The following RAB3GAP1 variants were observed in gnomAD, a reference collection of about 807,000 sequenced individuals.
RAB3GAP1 encodes rab3 GTPase-activating protein catalytic subunit.
RAB3GAP1 carries 86 observed loss-of-function variants against 130.7 expected under a neutral mutation model. The observed-to-expected ratio is 0.66, with a 90% CI of 0.55 to 0.79. RAB3GAP1 has a LOEUF of 0.79. RAB3GAP1 is among the 30% of genes least tolerant of loss of function. The probability of loss-of-function intolerance (pLI) is 0.00; values close to 1 mark genes in which losing one functional copy is unlikely to be tolerated. For missense variants in RAB3GAP1, 1,029 were observed against 1,169.4 expected, an observed-to-expected ratio of 0.88 and a Z score of 1.75; for synonymous variants, 367 against 401.7, an observed-to-expected ratio of 0.91 and a Z score of 1.03.
intron 19 of RAB3GAP1, among the ~76,000 whole-genome samples, chr2:135,160,778 T>G (rs1421272845): frequency 2.0e-5 from 3 of 152,056 alleles, no homozygotes; most frequent in East Asian, 3.9e-4. Context: ...AGTGTTAAAT[T>G]TATTGTATAT....
intron 17 of RAB3GAP1, among the ~76,000 whole-genome samples, chr2:135,145,100 T>C (rs1376026662): frequency 3.3e-5 from 5 of 152,208 alleles, no homozygotes; most frequent in Non-Finnish European, 7.3e-5. Flanking sequence ...TATTTGTACA[T>C]TTTTATGGGG....
At chr2:135,143,643 C>A (rs566234446) in intron 17 of RAB3GAP1, among the ~76,000 whole-genome samples, 1 of 151,304 alleles carries the variant, frequency 6.6e-6, no homozygotes, top group Non-Finnish European at 1.5e-5. Context: ...CTGCAAGCTC[C>A]GCTTCCCAGG....
At position 135,079,377 on chromosome 2, in the gene RAB3GAP1, T is replaced by G. The variant is rs559323773; in HGVS notation, c.151-11621T>G. Among the ~76,000 whole-genome samples, 12 of 152,322 alleles carry G rather than the reference T, an allele frequency of 7.9e-5. No homozygotes were observed. The South Asian group carries it at 2.5e-3, about 32-fold the overall frequency. ...TTCTCATTTGTTTTTCTCCTTCTAG[T>G]GTGTTCAGATGAATTCTCCTGAACT... On this transcript the variant is annotated intron_variant, in intron 3 of 23. Coordinates refer to ENST00000264158, the MANE Select transcript of RAB3GAP1 (RefSeq NM_012233.3).
At chr2:135,106,623 C>T (rs750469547) in intron 5 of RAB3GAP1, among the ~76,000 whole-genome samples, 6 of 151,852 alleles carry the variant, frequency 4.0e-5, no homozygotes, top group Admixed American at 2.6e-4. Context: ...TGCGGAAGGC[C>T]GCAGGGTCCT....
chr2:135,126,281 A>G (rs1442184536), intron 10 of RAB3GAP1, 32 bp downstream of exon 10: 1 of 1,495,686 alleles, frequency 6.7e-7, no homozygotes, highest in Non-Finnish European at 9.2e-7. Context: ...GTACACTGAG[A>G]TTAAAAAACT....
At chr2:135,156,977 A>T (rs1026618084) in intron 19 of RAB3GAP1, among the ~76,000 whole-genome samples, 25 of 152,346 alleles carry the variant, frequency 1.6e-4, no homozygotes, top group African/African-American at 4.8e-4. Flanking sequence ...CATTTAGAAG[A>T]TCTAAATATA....
chr2:135,172,204 C>T (rs1351653831), downstream of RAB3GAP1, among the ~76,000 whole-genome samples: 2 of 151,474 alleles, frequency 1.3e-5, no homozygotes, highest in South Asian at 4.2e-4. Context: ...CCGAGGCGGG[C>T]GGATCACATG....
intron 6 of RAB3GAP1, among the ~76,000 whole-genome samples, chr2:135,114,337 G>A (rs183563861): frequency 3.3e-5 from 5 of 152,124 alleles, no homozygotes; most frequent in Admixed American, 1.3e-4. Flanking sequence ...TTTGCATATC[G>A]AATAGACTAT....
chr2:135,156,517 A>G (rs1692316640), intron 19 of RAB3GAP1, among the ~76,000 whole-genome samples: 1 of 152,240 alleles, frequency 6.6e-6, no homozygotes. Flanking sequence ...GTCTGTTTAT[A>G]TAATTTGCTT....
intron 4 of RAB3GAP1, among the ~76,000 whole-genome samples, chr2:135,091,645 G>A (rs1169449898): frequency 2.0e-5 from 3 of 152,142 alleles, no homozygotes; most frequent in Non-Finnish European, 1.5e-5. Context: ...TTGCTAGTTA[G>A]TTGCCCCATC....
intron 2 of RAB3GAP1, among the ~76,000 whole-genome samples, chr2:135,057,622 A>T (rs982883629): frequency 2.0e-5 from 3 of 152,188 alleles, no homozygotes; most frequent in African/African-American, 7.2e-5. Context: ...AGGAATTCAA[A>T]GGGCTGGAAT....
At chr2:135,081,306 CAAAAAAAA>C (rs1169138978) in intron 3 of RAB3GAP1, among the ~76,000 whole-genome samples, 19 of 13,206 alleles carry the variant, frequency 1.4e-3, no homozygotes, top group African/African-American at 5.1e-3. Context: ...GACTCCGTCT[CAAAAAAAA>C]AAAAAAAAAA....
At chr2:135,166,862 G>A (rs1409505132) in intron 23 of RAB3GAP1, among the ~76,000 whole-genome samples, 3 of 152,080 alleles carry the variant, frequency 2.0e-5, no homozygotes, top group Non-Finnish European at 4.4e-5. Flanking sequence ...TAGCCTCATT[G>A]TATAGCTAAC....
chr2:135,137,125 A>G (rs1691697891), intron 17 of RAB3GAP1: 1 of 313,622 alleles, frequency 3.2e-6, no homozygotes, highest in South Asian at 3.0e-5. Context: ...ACTGTGGAAG[A>G]GATAGTTAAA....
intron 5 of RAB3GAP1, among the ~76,000 whole-genome samples, chr2:135,110,049 C>T (rs1280759774): frequency 4.0e-5 from 6 of 151,668 alleles, no homozygotes; most frequent in South Asian, 2.1e-4. Context: ...TTCAAGTAGA[C>T]CTATTGGGGA....
intron 7 of RAB3GAP1, among the ~76,000 whole-genome samples, chr2:135,117,224 C>T (rs1190592263): frequency 6.6e-6 from 1 of 152,124 alleles, no homozygotes; most frequent in African/African-American, 2.4e-5. Flanking sequence ...TTTTCAAAAA[C>T]CTTCTGGGCT....
Position 135,169,967 on chromosome 2 carries a change from A to T in RAB3GAP1, c.*1186A>T. ...TTAATAGAGCTGTGCAAACCCTGTT[A>T]TTTTTGTAAAAAAAAAAAAAAATAC... On this transcript the variant is annotated 3_prime_UTR_variant, in exon 24 of 24. Transcript: ENST00000264158. The T allele has an allele frequency of 8.7e-6, 2 of 230,258 alleles. No individual in the cohort carries two copies. The highest frequency in any genetic ancestry group is 5.6e-5 in the Admixed American group (1 of 17,764). The allele number at this position is 230,258 out of a possible 1,614,324, so 14.3% of individuals were successfully genotyped here.
intron 11 of RAB3GAP1, among the ~76,000 whole-genome samples, chr2:135,128,556 C>G (rs1168973950): frequency 2.0e-5 from 3 of 152,262 alleles, no homozygotes; most frequent in African/African-American, 7.2e-5. Flanking sequence ...TATTATTCCT[C>G]ATCTTGTTAC....
downstream of RAB3GAP1, among the ~76,000 whole-genome samples, chr2:135,175,176 G>A (rs558349096): frequency 2.0e-4 from 30 of 152,288 alleles, no homozygotes; most frequent in African/African-American, 6.3e-4. Context: ...CCCTGCCACC[G>A]AGGGACATGG....
Sources: gnomAD v4.1 joint callset for allele counts (sites outside exome capture counted in the v4.1 genomes callset) on GRCh38, gnomAD v4.1.1 for gene constraint, MANE v1.5 for transcripts, NCBI Gene and HGNC (gene_info 2026-07-23, HGNC 2026-07-21) for gene names.